PCDH7: variants seen among roughly 807,000 people sequenced by gnomAD.
PCDH7 encodes protocadherin 7.
PCDH7 carries 17 observed loss-of-function variants against 58.9 expected under a neutral mutation model. The ratio of observed to expected loss-of-function variants is 0.29; its 90% confidence interval spans 0.20 to 0.43. The LOEUF (loss-of-function observed/expected upper bound fraction) is 0.43. PCDH7 is among the 20% of genes least tolerant of loss of function. PCDH7 has a pLI of 1.00. For synonymous variants in PCDH7, 664 were observed against 616.4 expected, an observed-to-expected ratio of 1.08 and a Z score of -1.14; for missense variants, 1,274 against 1,441.0, an observed-to-expected ratio of 0.88 and a Z score of 1.88.
intron 3 of PCDH7, among the ~76,000 whole-genome samples, chr4:31,063,707 T>C (rs79667944): frequency 0.019 from 2,863 of 152,030 alleles, 82 homozygotes; most frequent in African/African-American, 0.065. Context: ...TTCAAATTAA[T>C]GTATTCAGTA....
exon 1 of PCDH7, chr4:30,724,520 C>A: frequency 6.2e-7 from 1 of 1,614,130 alleles, no homozygotes; most frequent in Admixed American, 1.7e-5. Flanking sequence ...TTTGTGGGAG[C>A]AGGAGACAAC....
intron 3 of PCDH7, among the ~76,000 whole-genome samples, chr4:31,061,546 GAAA>G (rs79612612): frequency 6.7e-6 from 1 of 149,992 alleles, no homozygotes; most frequent in African/African-American, 2.4e-5. Flanking sequence ...TGGACTTGGA[GAAA>G]AAAAAAGAGT....
rs1394545744 is a variant in PCDH7, at chr4:30,721,946, A to G, written c.524A>G (p.Asn175Ser). The change falls in exon 1 of 2, where the codon AAC (asparagine) becomes AGC (serine). Residue 175 changes from asparagine (N) to serine (S), a missense_variant. Around this residue, in one of 3 missense-constraint regions of PCDH7, gnomAD observed 212 missense variants for 255.8 expected, o/e 0.83. Coordinates refer to ENST00000361762, the Ensembl canonical transcript of PCDH7. This position sits in a 1 kb window ranked among gnomAD's most constrained non-coding sequence, Gnocchi z 6.7. ...GCCACCGACCGCGACTTCGGCCGCA[A>G]CGGCATCGAGCGCTACGAGCTGCTC... 1.3e-6 allele frequency: 2 copies of G among 1,555,500 alleles called. No individual in the cohort carries two copies. The highest frequency in any genetic ancestry group is 8.6e-7 in the Non-Finnish European group (1 of 1,156,834).
At chr4:31,092,497 AC>A (rs1287862514) in intron 3 of PCDH7, among the ~76,000 whole-genome samples, 1 of 152,054 alleles carries the variant, frequency 6.6e-6, no homozygotes, top group Admixed American at 6.6e-5. Flanking sequence ...GATCATCTAG[AC>A]CAATGGTTCT....
At chr4:30,797,698 T>A (rs188958305) in intron 1 of PCDH7, among the ~76,000 whole-genome samples, 30 of 152,244 alleles carry the variant, frequency 2.0e-4, no homozygotes, top group Admixed American at 3.9e-4. Context: ...CCTATCCTTC[T>A]TTCCCAGTTC....
At chr4:31,099,459 C>T (rs2109298326) in intron 3 of PCDH7, among the ~76,000 whole-genome samples, 1 of 152,290 alleles carries the variant, frequency 6.6e-6, no homozygotes, top group East Asian at 1.9e-4. Flanking sequence ...TTATTAAATA[C>T]TGCATGCAAG....
rs543022054 is a variant in PCDH7 at position 30,982,020 on chromosome 4, A to G, written c.*7+31805A>G. ...ATAGATATGACTGTAGTTAATAACA[A>G]TGTATCGTGTTCTTGAAAATCACCA... On this transcript the variant is annotated intron_variant, in intron 3 of 3. Transcript: ENST00000509759. 3.2e-4 allele frequency among the ~76,000 whole-genome samples: 48 copies of G among 152,318 alleles called. No homozygotes were observed. In the South Asian group the frequency reaches 9.1e-3, roughly 29 times the overall value.
chr4:31,140,227 A>G (rs1296534234), intron 3 of PCDH7, among the ~76,000 whole-genome samples: 1 of 152,204 alleles, frequency 6.6e-6, no homozygotes, highest in African/African-American at 2.4e-5. Flanking sequence ...CATCTCAAAC[A>G]ACAGGAAAAC....
At chr4:30,986,759 G>A (rs1463643083) in intron 3 of PCDH7, among the ~76,000 whole-genome samples, 2 of 152,024 alleles carry the variant, frequency 1.3e-5, no homozygotes, top group Admixed American at 6.6e-5. Context: ...GAGGTGGGCG[G>A]ATCACGAAGT....
chr4:30,755,309 A>G (rs997434742), intron 1 of PCDH7, among the ~76,000 whole-genome samples: 9 of 152,152 alleles, frequency 5.9e-5, no homozygotes, highest in African/African-American at 1.9e-4. Context: ...CTTCCTCACA[A>G]TTTTGACTTG....
intron 1 of PCDH7, among the ~76,000 whole-genome samples, chr4:30,758,770 T>C (rs1719643567): frequency 6.6e-6 from 1 of 152,180 alleles, no homozygotes; most frequent in East Asian, 1.9e-4. Context: ...ATTGCTTTTT[T>C]ATATACTGCT....
chr4:31,114,781 T>G (rs1280008232), intron 3 of PCDH7, among the ~76,000 whole-genome samples: 1 of 151,946 alleles, frequency 6.6e-6, no homozygotes, highest in Non-Finnish European at 1.5e-5. Flanking sequence ...ACAAGCAAAA[T>G]TCCTGTTATT....
intron 3 of PCDH7, among the ~76,000 whole-genome samples, chr4:31,061,324 G>C (rs1757677506): frequency 1.3e-5 from 2 of 151,630 alleles, no homozygotes; most frequent in Non-Finnish European, 3.0e-5. Context: ...ACAGTGTTTG[G>C]CTCATGAAGT....
At chr4:30,956,597 T>G (rs1747886516) in intron 3 of PCDH7, among the ~76,000 whole-genome samples, 1 of 152,220 alleles carries the variant, frequency 6.6e-6, no homozygotes, top group African/African-American at 2.4e-5. Flanking sequence ...AAAAGTAATT[T>G]AATTATTTTC....
chr4:31,056,128 G>T (rs1444771675), intron 3 of PCDH7, among the ~76,000 whole-genome samples: 1 of 151,954 alleles, frequency 6.6e-6, no homozygotes, highest in Non-Finnish European at 1.5e-5. Flanking sequence ...CAATACTTCG[G>T]GAGTCTGAGG....
chr4:30,805,809 G>T (rs1162929579), intron 1 of PCDH7, among the ~76,000 whole-genome samples: 3 of 152,070 alleles, frequency 2.0e-5, no homozygotes, highest in Non-Finnish European at 4.4e-5. Context: ...CACAGTACAG[G>T]CCACCAACAT....
intron 3 of PCDH7, among the ~76,000 whole-genome samples, chr4:31,074,538 T>C (rs544882109): frequency 6.6e-6 from 1 of 151,880 alleles, no homozygotes; most frequent in Non-Finnish European, 1.5e-5. Flanking sequence ...CTCCCAGCAC[T>C]CTCAGAGGCC....
intron 1 of PCDH7, among the ~76,000 whole-genome samples, chr4:30,792,723 AG>A (rs1724289315): frequency 6.6e-6 from 1 of 152,102 alleles, no homozygotes; most frequent in African/African-American, 2.4e-5. Context: ...GTAGGAGCTG[AG>A]GGGGATCCAG....
chr4:30,982,439 A>G (rs28525111), intron 3 of PCDH7, among the ~76,000 whole-genome samples: 9,006 of 151,994 alleles, frequency 0.059, 883 homozygotes, highest in African/African-American at 0.21. Context: ...CTTATGCCCT[A>G]TTTTTATTCT....
Sources: allele counts gnomAD v4.1 joint callset (sites outside exome capture counted in the v4.1 genomes callset), GRCh38; gene constraint gnomAD v4.1.1; regional missense constraint gnomAD v4.1.1; non-coding constraint Gnocchi (gnomAD v3.1); transcripts MANE v1.5; gene names NCBI Gene and HGNC (gene_info 2026-07-23, HGNC 2026-07-21).